The following LHPP variants were observed in gnomAD, a reference collection of about 807,000 sequenced individuals.
LHPP encodes the protein phospholysine phosphohistidine inorganic pyrophosphate phosphatase, also known as hLHPP.
LHPP carries 24 observed loss-of-function variants against 30.3 expected under a neutral mutation model. The observed-to-expected ratio is 0.79, with a 90% confidence interval of 0.57 to 1.11. The LOEUF (loss-of-function observed/expected upper bound fraction) is 1.11, where lower values mean the gene tolerates loss of function less well. Ranked by LOEUF, LHPP falls within the 50% of genes most tolerant of loss-of-function variation. The pLI, the probability that LHPP is intolerant of heterozygous loss-of-function variation, is 0.00. For missense variants in LHPP, 356 were observed against 367.2 expected, an observed-to-expected ratio of 0.97 and a Z score of 0.25; for synonymous variants, 150 against 157.1, an observed-to-expected ratio of 0.95 and a Z score of 0.34.
intron 6 of LHPP, among the ~76,000 whole-genome samples, chr10:124,519,671 T>C (rs1231896240): frequency 1.3e-5 from 2 of 152,220 alleles, no homozygotes; most frequent in Non-Finnish European, 2.9e-5. Context: ...CTCCCACTTA[T>C]AAGTGAGAAC....
At chr10:124,583,437 A>G (rs1455963217) in intron 6 of LHPP, among the ~76,000 whole-genome samples, 1 of 152,222 alleles carries the variant, frequency 6.6e-6, no homozygotes, top group Non-Finnish European at 1.5e-5. Flanking sequence ...CACACTTGTC[A>G]AAAATCAGTT....
At chr10:124,554,502 C>T (rs1279823401) in intron 6 of LHPP, among the ~76,000 whole-genome samples, 1 of 152,264 alleles carries the variant, frequency 6.6e-6, no homozygotes, top group African/African-American at 2.4e-5. Context: ...GGCCTGGACT[C>T]AGTTTCTATA....
At chr10:124,516,674 T>G (rs1954462877) in intron 5 of LHPP, among the ~76,000 whole-genome samples, 1 of 152,226 alleles carries the variant, frequency 6.6e-6, no homozygotes, top group African/African-American at 2.4e-5. Flanking sequence ...CTGTGAGCAT[T>G]TCCTCTGTGT....
At chr10:124,565,954 C>T (rs865917785) in intron 6 of LHPP, among the ~76,000 whole-genome samples, 1 of 152,336 alleles carries the variant, frequency 6.6e-6, no homozygotes, top group South Asian at 2.1e-4. Context: ...GAAAGCAGAG[C>T]GGAGAGTGCC....
chr10:124,470,089 C>A (rs980192627), intron 1 of LHPP, among the ~76,000 whole-genome samples: 4 of 152,194 alleles, frequency 2.6e-5, no homozygotes, highest in African/African-American at 9.6e-5. Flanking sequence ...CCGTGTCCCC[C>A]CAACAGGCCC....
At position 124,506,263 on chromosome 10, in the gene LHPP, A is replaced by ACCC. The variant is rs539116106; in HGVS notation, c.624+8143_624+8145dup. 1.5e-3 allele frequency among the ~76,000 whole-genome samples: 129 copies of ACCC among 86,372 alleles called. No individual in the cohort carries two copies. The East Asian group carries it at 0.018, about 12-fold the overall frequency. The allele number at this position is 86,372 out of a possible 152,430, so 56.7% of individuals were successfully genotyped here. On this transcript the variant is annotated intron_variant, in intron 5 of 6. Coordinates refer to ENST00000368842, the MANE Select transcript of LHPP (RefSeq NM_022126.4). ...GACCTTGTCTCAAAAAAAACAACAA[A>ACCC]CCCCCCCCCCACCCCGCGGTTTCTC...
At chr10:124,499,604 C>G (rs755954684) in intron 5 of LHPP, among the ~76,000 whole-genome samples, 12 of 151,854 alleles carry the variant, frequency 7.9e-5, no homozygotes, top group Admixed American at 2.0e-4. Context: ...TGCAGCGAGC[C>G]GAGATCATGC....
intron 6 of LHPP, among the ~76,000 whole-genome samples, chr10:124,525,925 G>A (rs867981183): frequency 7.9e-5 from 12 of 152,210 alleles, no homozygotes; most frequent in African/African-American, 2.9e-4. Context: ...GGGCTGGGGG[G>A]CTCTGAGCTG....
rs142725374 is a variant in LHPP, at chr10:124,577,676, A to ACATGCACACATGTGTAAATACACATG, written c.717-35579_717-35554dup. 6.2e-4 allele frequency among the ~76,000 whole-genome samples: 89 copies of ACATGCACACATGTGTAAATACACATG among 144,210 alleles called. 1 individual carries two copies. The highest frequency in any genetic ancestry group is 5.0e-3 in the East Asian group (23 of 4,590). The allele number at this position is 144,210 out of a possible 152,430, so 94.6% of individuals were successfully genotyped here. On this transcript the variant is annotated intron_variant, in intron 6 of 6. Coordinates refer to ENST00000368842, the MANE Select transcript of LHPP (RefSeq NM_022126.4). ...CCATCCTACACATGTGTGCACACAT[A>ACATGCACACATGTGTAAATACACATG]CATGCACACATGTGTAAATACACAT...
intron 6 of LHPP, among the ~76,000 whole-genome samples, chr10:124,551,464 C>CG (rs937325663): frequency 3.3e-5 from 5 of 152,204 alleles, no homozygotes; most frequent in Admixed American, 6.5e-5. Context: ...AGGGTGGGGG[C>CG]GGGGGGGCAG....
chr10:124,582,332 G>T (rs779039904), intron 6 of LHPP, among the ~76,000 whole-genome samples: 2 of 151,984 alleles, frequency 1.3e-5, no homozygotes, highest in Non-Finnish European at 2.9e-5. Flanking sequence ...AATCCTCCTG[G>T]CTAGGCCCCT....
intron 5 of LHPP, among the ~76,000 whole-genome samples, chr10:124,509,100 C>G (rs1053207068): frequency 2.6e-5 from 4 of 152,158 alleles, no homozygotes; most frequent in East Asian, 1.9e-4. Context: ...ATTTAGCCCC[C>G]ACTTATAAGT....
intron 1 of LHPP, among the ~76,000 whole-genome samples, chr10:124,476,627 T>G (rs1312248085): frequency 6.6e-6 from 1 of 152,186 alleles, no homozygotes; most frequent in Non-Finnish European, 1.5e-5. Flanking sequence ...GCTGGTGTGC[T>G]TCATGGTGCA....
chr10:124,466,821 A>G (rs1331154960), intron 1 of LHPP, among the ~76,000 whole-genome samples: 1 of 152,114 alleles, frequency 6.6e-6, no homozygotes, highest in African/African-American at 2.4e-5. Context: ...ATTACAATTC[A>G]AATATTAAAT....
intron 6 of LHPP, among the ~76,000 whole-genome samples, chr10:124,540,661 GT>G (rs1955159791): frequency 6.6e-6 from 1 of 152,212 alleles, no homozygotes; most frequent in South Asian, 2.1e-4. Flanking sequence ...GTGGCTTGGG[GT>G]TCACGGTGCT....
At chr10:124,525,665 C>A (rs1466344335) in intron 6 of LHPP, among the ~76,000 whole-genome samples, 5 of 152,206 alleles carry the variant, frequency 3.3e-5, no homozygotes, top group African/African-American at 1.2e-4. Flanking sequence ...GGCAGACACC[C>A]CATCGTGGCC....
chr10:124,537,702 A>T (rs1162706277), intron 6 of LHPP, among the ~76,000 whole-genome samples: 1 of 152,220 alleles, frequency 6.6e-6, no homozygotes, highest in African/African-American at 2.4e-5. Context: ...CAGGTGGCCC[A>T]GGAGCTGGCT....
intron 4 of LHPP, among the ~76,000 whole-genome samples, chr10:124,497,620 C>T (rs575436314): frequency 2.2e-4 from 33 of 152,308 alleles, no homozygotes; most frequent in African/African-American, 7.7e-4. Context: ...GCCTGCCTGC[C>T]GTCAGGTGGG....
At chr10:124,483,272 G>T (rs577404252) in intron 1 of LHPP, among the ~76,000 whole-genome samples, 6 of 152,128 alleles carry the variant, frequency 3.9e-5, no homozygotes, top group Admixed American at 6.6e-5. Context: ...AACCTGTCTC[G>T]GGCCATCTGC....
Sources: gnomAD v4.1 joint callset for allele counts (sites outside exome capture counted in the v4.1 genomes callset) on GRCh38, gnomAD v4.1.1 for gene constraint, MANE v1.5 for transcripts, NCBI Gene and HGNC (gene_info 2026-07-23, HGNC 2026-07-21) for gene names.